Variants in LSG1 observed in about 807,000 individuals in gnomAD.
LSG1 encodes the protein large subunit GTPase 1 homolog.
In LSG1, 55 loss-of-function variants were observed where a neutral mutation model predicts 82.6. The ratio of observed to expected loss-of-function variants is 0.67; its 90% CI spans 0.54 to 0.83. LSG1 has a LOEUF of 0.83. Ranked by LOEUF, LSG1 falls within the 40% of genes least tolerant of loss-of-function variation. The pLI is 0.00. For missense variants in LSG1, 809 were observed against 807.9 expected, an observed-to-expected ratio of 1.00 and a Z score of -0.02; for synonymous variants, 272 against 282.5, an observed-to-expected ratio of 0.96 and a Z score of 0.37.
intron 5 of LSG1, chr3:194,660,708 A>C (rs1718908129): frequency 6.3e-6 from 2 of 317,868 alleles, no homozygotes; most frequent in Non-Finnish European, 1.3e-5. Context: ...CAATGTGTTT[A>C]AATGGCAAAA....
chr3:194,664,408 A>G (rs576176497), intron 5 of LSG1, among the ~76,000 whole-genome samples: 52 of 152,330 alleles, frequency 3.4e-4, no homozygotes, highest in South Asian at 3.3e-3. Context: ...CATTTCAAAT[A>G]TAAGGTTCAT....
At chr3:194,644,475 T>C (rs1718475340) in intron 13 of LSG1, 98 bp downstream of exon 13, 1 of 657,864 alleles carries the variant, frequency 1.5e-6, no homozygotes, top group South Asian at 4.4e-5. Context: ...TAAACCCTTT[T>C]TGGGGTTAAT....
rs1486195797 is a variant in LSG1 at position 194,644,583 on chromosome 3, A to G, written c.1787T>C (p.Phe596Ser). The G allele has an allele frequency of 6.2e-7, 1 of 1,609,834 alleles. No homozygotes were observed. Among genetic ancestry groups the G allele is most frequent in the Non-Finnish European group, 8.5e-7 (1 of 1,178,806 alleles). Residue 596 changes from phenylalanine (F) to serine (S), a missense_variant, in exon 13 of 14, where the codon TTT (phenylalanine) becomes TCT (serine). Physicochemically the swap from Phe to Ser is radical, Grantham distance 155 (BLOSUM62 -2). Coordinates refer to ENST00000265245, the MANE Select transcript of LSG1 (RefSeq NM_018385.3). ...AGCTTTAAAACTTACTTGATGGAAA[A>G]AAGTTTTGTCAACGATATTTTCAAT... ...KQIENIVDKT[F>S]FHQENVRALT...
chr3:194,649,656 C>T (rs568030323), intron 10 of LSG1, among the ~76,000 whole-genome samples: 2 of 151,964 alleles, frequency 1.3e-5, no homozygotes, highest in South Asian at 4.2e-4. Flanking sequence ...CACCACTGTA[C>T]TCCAGCCTGG....
chr3:194,642,137 G>A lies in LSG1; in HGVS notation c.1908C>T (p.Pro636=), dbSNP rs1222909773. The A allele has an allele frequency of 1.2e-6, 2 of 1,613,686 alleles. No homozygotes were observed. Among genetic ancestry groups the A allele is most frequent in the East Asian group, 4.5e-5 (2 of 44,872 alleles). ...TATTTCTGTTGCCATGTTTTTTCCAGGGCTTCCCCGCCCCGTTCTCAGAGC... is the reference window on the plus strand; with the variant it reads ...TATTTCTGTTGCCATGTTTTTTCCAAGGCTTCCCCGCCCCGTTCTCAGAGC... ...TASSENGAGK[P]WKKHGNRNKK... Residue 636 remains proline, a synonymous_variant, in exon 14 of 14, where the codon CCC becomes CCT. Coordinates refer to ENST00000265245, the MANE Select transcript of LSG1 (RefSeq NM_018385.3).
At chr3:194,669,984 C>G (rs1675926) in intron 2 of LSG1, 25 bp downstream of exon 2, 2 of 1,610,896 alleles carry the variant, frequency 1.2e-6, no homozygotes, top group South Asian at 2.2e-5. Context: ...ACAGTCTCAC[C>G]TGCACTCAGC....
intron 3 of LSG1, 72 bp downstream of exon 3, chr3:194,666,380 G>A: frequency 6.2e-7 from 1 of 1,600,422 alleles, no homozygotes; most frequent in Non-Finnish European, 8.5e-7. Flanking sequence ...CTGAGAAAAA[G>A]AAGCAATTTA....
chr3:194,662,190 C>T (rs776659078), intron 5 of LSG1, among the ~76,000 whole-genome samples: 1 of 152,190 alleles, frequency 6.6e-6, no homozygotes, highest in Non-Finnish European at 1.5e-5. Flanking sequence ...GCTCATAGGT[C>T]GGCTACCCTG....
At chr3:194,651,463 A>G in intron 8 of LSG1, 1 of 480,058 alleles carries the variant, frequency 2.1e-6, no homozygotes. Context: ...TGCTGTTAAC[A>G]GCAGATGCTA....
chr3:194,642,531 T>C (rs183556170), intron 13 of LSG1, among the ~76,000 whole-genome samples: 106 of 152,126 alleles, frequency 7.0e-4, no homozygotes, highest in Non-Finnish European at 1.1e-3. Context: ...TGTCTTAATA[T>C]CAAAACTTAA....
chr3:194,669,429 T>C (rs1039366694), intron 2 of LSG1, among the ~76,000 whole-genome samples: 56 of 152,208 alleles, frequency 3.7e-4, no homozygotes, highest in Non-Finnish European at 1.0e-4. Flanking sequence ...TAAAGCCCTG[T>C]AAAGCCTTAA....
Position 194,644,563 on chromosome 3 carries a change from T to G in LSG1, c.1797+10A>C. On this transcript the variant is annotated intron_variant, in intron 13 of 13. Transcript: ENST00000265245. Reference sequence around the variant, plus strand: ...TGGATCAGAAGTTTAAGAAAAGCTTTAAAACTTACTTGATGGAAAAAAGTT... The same window carrying G: ...TGGATCAGAAGTTTAAGAAAAGCTTGAAAACTTACTTGATGGAAAAAAGTT... 6.2e-7 allele frequency: 1 copy of G among 1,606,292 alleles called. No individual in the cohort carries two copies. The highest frequency in any genetic ancestry group is 8.5e-7 in the Non-Finnish European group (1 of 1,176,030).
At chr3:194,666,663 A>G in intron 2 of LSG1, 91 bp from the exon 3 acceptor site, 1 of 1,023,392 alleles carries the variant, frequency 9.8e-7, no homozygotes, top group Non-Finnish European at 1.4e-6. Context: ...ACTAAAAATG[A>G]GAGCCTAAGA....
In LSG1 at chr3:194,641,899, T is replaced by C. The variant is rs946538521; in HGVS notation, c.*169A>G. ...ACTCCTTTTTGTCAGAGTTGGTGTT[T>C]CCAGGAGGCCCTTGGTCTTGACATG... On this transcript the variant is annotated 3_prime_UTR_variant, in exon 14 of 14. Coordinates refer to ENST00000265245, the MANE Select transcript of LSG1 (RefSeq NM_018385.3). 4 of 625,554 alleles carry C rather than the reference T, an allele frequency of 6.4e-6. No individual in the cohort carries two copies. In the African/African-American group the frequency reaches 7.4e-5, roughly 12 times the overall value. The allele number at this position is 625,554 out of a possible 1,614,324, so 38.8% of individuals were successfully genotyped here. A position where few individuals can be genotyped will look rare whatever the true frequency, so the allele number is the denominator to read the frequency against.
At position 194,646,241 on chromosome 3, in the gene LSG1, T is replaced by C. The variant is rs1280644236; in HGVS notation, c.1546A>G (p.Met516Val). Residue 516 changes from methionine to valine, a missense_variant and splice_region_variant, in exon 12 of 14, where the codon ATG (methionine) becomes GTG (valine). Transcript: ENST00000265245. ...SEELLTAYGY[M>V]RGFMTAHGQP... Reference sequence around the variant, plus strand: ...CCATGCGCTGTCATGAATCCTCGCATGTCTGTGGAGAGAAAAGAATTTTGC... The same window carrying C: ...CCATGCGCTGTCATGAATCCTCGCACGTCTGTGGAGAGAAAAGAATTTTGC... 2.5e-6 allele frequency: 4 copies of C among 1,613,582 alleles called. No homozygotes were observed. Among genetic ancestry groups the C allele is most frequent in the African/African-American group, 1.3e-5 (1 of 74,670 alleles).
intron 2 of LSG1, among the ~76,000 whole-genome samples, chr3:194,668,792 A>C (rs1675930): frequency 0.64 from 98,078 of 152,086 alleles, 32,389 homozygotes; most frequent in East Asian, 0.87. Flanking sequence ...CAAGATATGG[A>C]ACCAACCTCA....
intron 13 of LSG1, among the ~76,000 whole-genome samples, chr3:194,644,233 G>C (rs1441089741): frequency 2.6e-5 from 4 of 151,674 alleles, no homozygotes; most frequent in Non-Finnish European, 5.9e-5. Flanking sequence ...GTGGTGGCGG[G>C]CGCCTGTAGT....
chr3:194,657,957 T>C (rs2108619223), intron 7 of LSG1, among the ~76,000 whole-genome samples: 1 of 152,152 alleles, frequency 6.6e-6, no homozygotes, highest in South Asian at 2.1e-4. Context: ...TTCACATAGT[T>C]AGAGGTGAGA....
At chr3:194,644,448 A>G (rs1156300669) in intron 13 of LSG1, 125 bp downstream of exon 13, 3 of 382,488 alleles carry the variant, frequency 7.8e-6, no homozygotes, top group African/African-American at 6.3e-5. Flanking sequence ...GAATTATTAA[A>G]CCCTTTTTGG....
Sources: allele counts gnomAD v4.1 joint callset (sites outside exome capture counted in the v4.1 genomes callset), GRCh38; gene constraint gnomAD v4.1.1; transcripts MANE v1.5; gene names NCBI Gene and HGNC (gene_info 2026-07-23, HGNC 2026-07-21).